Variants in DCDC1 observed in about 807,000 individuals in gnomAD.
DCDC1 encodes the protein doublecortin domain containing 1.
A neutral mutation model predicts 178.3 loss-of-function variants in DCDC1; 200 were observed. The observed-to-expected ratio is 1.12, with a 90% CI of 1.00 to 1.26. DCDC1 has a LOEUF of 1.26. Ranked by LOEUF, DCDC1 falls within the 50% of genes most tolerant of loss-of-function variation. The pLI is 0.00. For synonymous variants in DCDC1, 690 were observed against 604.8 expected, an observed-to-expected ratio of 1.14 and a Z score of -2.07; for missense variants, 1,983 against 1,749.2, an observed-to-expected ratio of 1.13 and a Z score of -2.38.
At chr11:31,085,508 T>C (rs2135610283) in intron 17 of DCDC1, among the ~76,000 whole-genome samples, 1 of 152,306 alleles carries the variant, frequency 6.6e-6, no homozygotes, top group African/African-American at 2.4e-5. Context: ...TTTTTTGTTT[T>C]ATTTTCTACT....
intron 20 of DCDC1, among the ~76,000 whole-genome samples, chr11:31,018,506 C>T (rs1182680372): frequency 6.6e-6 from 1 of 152,138 alleles, no homozygotes; most frequent in Non-Finnish European, 1.5e-5. Context: ...TTTGCTACAA[C>T]CCTGTGTGTT....
intron 9 of DCDC1, among the ~76,000 whole-genome samples, chr11:31,190,843 C>T (rs1374903109): frequency 6.6e-6 from 1 of 151,908 alleles, no homozygotes; most frequent in African/African-American, 2.4e-5. Flanking sequence ...TATGAACTTA[C>T]TGCTTATAAT....
chr11:31,061,942 G>A (rs1247297388), intron 20 of DCDC1, among the ~76,000 whole-genome samples: 1 of 152,022 alleles, frequency 6.6e-6, no homozygotes, highest in African/African-American at 2.4e-5. Context: ...CTTCCAAAGT[G>A]CAGTCATCAG....
intron 9 of DCDC1, among the ~76,000 whole-genome samples, chr11:31,146,126 G>T (rs1964426012): frequency 6.8e-6 from 1 of 148,050 alleles, no homozygotes; most frequent in Admixed American, 6.8e-5. Context: ...AGACTAGAGT[G>T]CAGTGGCACA....
intron 2 of DCDC1, among the ~76,000 whole-genome samples, chr11:31,331,949 A>G (rs4922857): frequency 0.71 from 107,269 of 152,024 alleles, 39,308 homozygotes; most frequent in African/African-American, 0.9. Flanking sequence ...GTTTCAGAAG[A>G]AATGGTACCA....
intron 20 of DCDC1, among the ~76,000 whole-genome samples, chr11:30,987,814 T>C (rs1219356498): frequency 6.6e-6 from 1 of 152,188 alleles, no homozygotes; most frequent in Non-Finnish European, 1.5e-5. Flanking sequence ...CATTTTTTTT[T>C]CTCATCAGCT....
At position 30,957,207 on chromosome 11, in the gene DCDC1, T is replaced by C. The variant is rs147027403; in HGVS notation, c.2592-4639A>G. 2.0e-3 allele frequency among the ~76,000 whole-genome samples: 304 copies of C among 152,268 alleles called. 5 individuals carry two copies. In the East Asian group the frequency reaches 0.04, roughly 20 times the overall value. The stretch of plus-strand genomic sequence containing the variant: ...CTGTTAATTTTCCTTCCCTTCTGCA[T>C]CATTCCATATGCATAATGTCTGACA... On this transcript the variant is annotated intron_variant, in intron 20 of 38. Coordinates refer to ENST00000684477, the MANE Select transcript of DCDC1 (RefSeq NM_001387274.1).
At chr11:31,127,051 T>C (rs1363991173) in intron 11 of DCDC1, among the ~76,000 whole-genome samples, 2 of 152,212 alleles carry the variant, frequency 1.3e-5, no homozygotes, top group Non-Finnish European at 2.9e-5. Context: ...AGTTTGAACA[T>C]CAATCAGTCA....
intron 11 of DCDC1, among the ~76,000 whole-genome samples, chr11:31,118,593 T>G (rs1051336588): frequency 2.0e-5 from 3 of 152,064 alleles, no homozygotes; most frequent in Admixed American, 2.0e-4. Flanking sequence ...TATCAAACAC[T>G]CCGTGAAAAA....
At chr11:30,951,001 T>C (rs1254783321) in intron 21 of DCDC1, among the ~76,000 whole-genome samples, 2 of 151,882 alleles carry the variant, frequency 1.3e-5, no homozygotes, top group Non-Finnish European at 2.9e-5. Flanking sequence ...ATACAACGTG[T>C]CCATAATAAT....
intron 8 of DCDC1, chr11:31,262,491 GC>G (rs897177609): frequency 1.3e-5 from 2 of 152,030 alleles, no homozygotes; most frequent in African/African-American, 4.8e-5. Context: ...TGTATCTGTT[GC>G]TTTTAGTCCT....
At chr11:31,115,982 G>T (rs1292213767) in intron 11 of DCDC1, among the ~76,000 whole-genome samples, 10 of 30,254 alleles carry the variant, frequency 3.3e-4, no homozygotes, top group African/African-American at 1.4e-3. Flanking sequence ...CTGTGGCAGT[G>T]GGGGGGGGGG....
chr11:30,967,560 A>G (rs1441610225), intron 20 of DCDC1, among the ~76,000 whole-genome samples: 1 of 152,206 alleles, frequency 6.6e-6, no homozygotes, highest in Non-Finnish European at 1.5e-5. Context: ...CAGACACTTC[A>G]AGGTAAAGGC....
At chr11:31,011,612 C>T (rs1368478287) in intron 20 of DCDC1, among the ~76,000 whole-genome samples, 1 of 152,146 alleles carries the variant, frequency 6.6e-6, no homozygotes, top group Non-Finnish European at 1.5e-5. Context: ...CCAAGTCTGA[C>T]AACACATCAT....
At chr11:30,877,185 C>T (rs1032099093) in intron 38 of DCDC1, among the ~76,000 whole-genome samples, 2 of 152,108 alleles carry the variant, frequency 1.3e-5, no homozygotes, top group African/African-American at 4.8e-5. Flanking sequence ...AAATACTAGG[C>T]CTTTTGCAGC....
intron 21 of DCDC1, among the ~76,000 whole-genome samples, chr11:30,942,007 T>C (rs1158004658): frequency 6.6e-6 from 1 of 152,144 alleles, no homozygotes; most frequent in Non-Finnish European, 1.5e-5. Flanking sequence ...CAATTCTAAA[T>C]AAGAAAAATT....
Position 30,890,008 on chromosome 11 carries a change from C to T in DCDC1, c.5082+2810G>A, listed in dbSNP as rs78370073. Among the ~76,000 whole-genome samples, 231 of 152,208 alleles carry T rather than the reference C, an allele frequency of 1.5e-3. 1 individual carries two copies. Among genetic ancestry groups the T allele is most frequent in the African/African-American group, 5.3e-3 (222 of 41,544 alleles). On this transcript the variant is annotated intron_variant, in intron 36 of 38. Coordinates refer to ENST00000684477, the MANE Select transcript of DCDC1 (RefSeq NM_001387274.1). Reference sequence around the variant, plus strand: ...CTTTATATACAAGAAAAAGAAGAGACGCCAGGGTTCTTTCTCTCTCCACAT... The same window carrying T: ...CTTTATATACAAGAAAAAGAAGAGATGCCAGGGTTCTTTCTCTCTCCACAT...
intron 9 of DCDC1, among the ~76,000 whole-genome samples, chr11:31,202,509 T>G (rs1395465390): frequency 1.3e-5 from 2 of 152,130 alleles, no homozygotes; most frequent in Non-Finnish European, 2.9e-5. Context: ...AGGTGGAGGT[T>G]GCAGTGAGCC....
intron 20 of DCDC1, among the ~76,000 whole-genome samples, chr11:31,004,790 C>T (rs1321434913): frequency 1.3e-5 from 2 of 151,870 alleles, no homozygotes; most frequent in Non-Finnish European, 1.5e-5. Flanking sequence ...CTTAATTTCC[C>T]TGTGCCTCGG....
Sources: gnomAD v4.1 joint callset for allele counts (sites outside exome capture counted in the v4.1 genomes callset) on GRCh38, gnomAD v4.1.1 for gene constraint, MANE v1.5 for transcripts, NCBI Gene and HGNC (gene_info 2026-07-23, HGNC 2026-07-21) for gene names.